ST3GAL4: variants seen among roughly 807,000 people sequenced by gnomAD.
ST3GAL4 encodes the protein ST3 beta-galactoside alpha-2,3-sialyltransferase 4.
A neutral mutation model predicts 42.6 loss-of-function variants in ST3GAL4; 24 were observed. The ratio of observed to expected loss-of-function variants is 0.56; its 90% CI spans 0.41 to 0.79. The LOEUF (loss-of-function observed/expected upper bound fraction) is 0.79, where lower values mean the gene tolerates loss of function less well. ST3GAL4 is among the 30% of genes least tolerant of loss of function. The pLI is 0.00. For synonymous variants in ST3GAL4, 135 were observed against 163.2 expected, an observed-to-expected ratio of 0.83 and a Z score of 1.32; for missense variants, 311 against 430.8, an observed-to-expected ratio of 0.72 and a Z score of 2.46.
In ST3GAL4 at chr11:126,363,271, A is replaced by G. The variant is rs1198504701; in HGVS notation, c.-61+7429A>G. 6.6e-6 allele frequency among the ~76,000 whole-genome samples: 1 copy of G among 151,766 alleles called. No individual in the cohort carries two copies. Among genetic ancestry groups the G allele is most frequent in the Non-Finnish European group, 1.5e-5 (1 of 67,952 alleles). On this transcript the variant is annotated intron_variant, in intron 1 of 10. Coordinates refer to ENST00000444328, the MANE Select transcript of ST3GAL4 (RefSeq NM_001254757.2). This position sits in a 1 kb window ranked among gnomAD's most constrained non-coding sequence, Gnocchi z 4.6. Reference sequence around the variant, plus strand: ...GTCTGCCTTCTCTTTCCACCCCTAGATTTCTCACCATCTTCAGTGATCCCT... The same window carrying G: ...GTCTGCCTTCTCTTTCCACCCCTAGGTTTCTCACCATCTTCAGTGATCCCT...
chr11:126,380,218 T>C lies in ST3GAL4; in HGVS notation c.-61+24376T>C, dbSNP rs1371049908. 2.0e-5 allele frequency among the ~76,000 whole-genome samples: 3 copies of C among 150,142 alleles called. No individual in the cohort carries two copies. The Admixed American group carries it at 2.0e-4, about 10-fold the overall frequency. The stretch of plus-strand genomic sequence containing the variant: ...TAGAGGTTGCAGTGTGCCGAGATTG[T>C]GCCACCGCACTCCAGCCTGGGTGAC... On this transcript the variant is annotated intron_variant, in intron 1 of 10. Coordinates refer to ENST00000444328, the MANE Select transcript of ST3GAL4 (RefSeq NM_001254757.2).
chr11:126,406,008 AGGGGCAGACAGT>A lies in ST3GAL4; in HGVS notation c.-60-84_-60-73del. On this transcript the variant is annotated intron_variant, in intron 1 of 10. Coordinates refer to ENST00000444328, the MANE Select transcript of ST3GAL4 (RefSeq NM_001254757.2). The surrounding 1 kb of genome is among the most constrained non-coding windows in gnomAD (Gnocchi z 5.4). ...AGCTTCCTGCTTTCTGGTGGAAGGG[AGGGGCAGACAGT>A]GGGTGTGTCCTGCTCCAGTGTCTAG... The A allele has an allele frequency of 6.9e-7, 1 of 1,451,868 alleles. No individual in the cohort carries two copies. Among genetic ancestry groups the A allele is most frequent in the Non-Finnish European group, 9.4e-7 (1 of 1,062,482 alleles). The allele number at this position is 1,451,868 out of a possible 1,614,324, so 89.9% of individuals were successfully genotyped here.
At chr11:126,402,092 A>AGTGGGG (rs372167321) in intron 1 of ST3GAL4, among the ~76,000 whole-genome samples, 6 of 139,130 alleles carry the variant, frequency 4.3e-5, no homozygotes, top group East Asian at 5.2e-4. Context: ...TTTGGGGGAA[A>AGTGGGG]GAGGGGAGGT....
At position 126,411,389 on chromosome 11, in the gene ST3GAL4, C is replaced by T. The variant is rs375090476; in HGVS notation, c.771+1978C>T. ...CTGACCTTAGGTGATCTACCCGCCT[C>T]GGCCTCCCAAAGTGCTGGGATTACA... On this transcript the variant is annotated intron_variant, in intron 9 of 10. Transcript: ENST00000444328. This position sits in a 1 kb window ranked among gnomAD's most constrained non-coding sequence, Gnocchi z 6.3. Among the ~76,000 whole-genome samples the T allele has an allele frequency of 1.6e-4, 24 of 152,274 alleles. No individual in the cohort carries two copies. Among genetic ancestry groups the T allele is most frequent in the East Asian group, 1.5e-3 (8 of 5,180 alleles).
intron 1 of ST3GAL4, among the ~76,000 whole-genome samples, chr11:126,375,338 C>T (rs1952796867): frequency 1.3e-5 from 2 of 152,194 alleles, no homozygotes; most frequent in Non-Finnish European, 2.9e-5. Flanking sequence ...GGCTCTTCGT[C>T]ACTGTGCGGA....
intron 1 of ST3GAL4, among the ~76,000 whole-genome samples, chr11:126,377,547 T>G (rs953320579): frequency 6.7e-6 from 1 of 149,574 alleles, no homozygotes; most frequent in African/African-American, 2.5e-5. Flanking sequence ...TGCAGTGGTG[T>G]GATCTTGGCT....
rs1255912831 is a variant in ST3GAL4, at chr11:126,411,309, C to A, written c.771+1898C>A. Among the ~76,000 whole-genome samples, 2 of 152,076 alleles carry A rather than the reference C, an allele frequency of 1.3e-5. No homozygotes were observed. Among genetic ancestry groups the A allele is most frequent in the African/African-American group, 2.4e-5 (1 of 41,408 alleles). On this transcript the variant is annotated intron_variant, in intron 9 of 10. Coordinates refer to ENST00000444328, the MANE Select transcript of ST3GAL4 (RefSeq NM_001254757.2). The surrounding 1 kb of genome is among the most constrained non-coding windows in gnomAD (Gnocchi z 6.3). ...TACAGGCATGTACCACCACACCTGG[C>A]TAATTTTTGTATTTTTACGAAAATA... is the stretch of plus-strand genomic sequence containing the variant.
At position 126,359,264 on chromosome 11, in the gene ST3GAL4, C is replaced by G. The variant is rs1952169094; in HGVS notation, c.-61+3422C>G. Among the ~76,000 whole-genome samples, 1 of 151,410 alleles carries G rather than the reference C, an allele frequency of 6.6e-6. No homozygotes were observed. The highest frequency in any genetic ancestry group is 2.4e-5 in the African/African-American group (1 of 41,128). On this transcript the variant is annotated intron_variant, in intron 1 of 10. Transcript: ENST00000444328. The surrounding 1 kb of genome is among the most constrained non-coding windows in gnomAD (Gnocchi z 4.8). The stretch of plus-strand genomic sequence containing the variant: ...AACAAAAATATTACCATTTAGCAAT[C>G]AGGCACTTATTAAAAGCCTGGCCCA...
At chr11:126,369,256 T>TG (rs1555081906) in intron 1 of ST3GAL4, among the ~76,000 whole-genome samples, 2,121 of 150,724 alleles carry the variant, frequency 0.014, 14 homozygotes, top group African/African-American at 0.019. Flanking sequence ...CTCTTTTTTT[T>TG]GGGGGGGGGA....
At chr11:126,405,900 C>T (rs1314390046) in intron 1 of ST3GAL4, 196 bp from the exon 2 acceptor site, 1 of 673,866 alleles carries the variant, frequency 1.5e-6, no homozygotes, top group Non-Finnish European at 2.5e-6. Context: ...CAGGGCTCAC[C>T]TGGATCCTTA....
Position 126,386,165 on chromosome 11 carries a change from A to G in ST3GAL4, c.-60-19931A>G, listed in dbSNP as rs1953217828. 6.6e-6 allele frequency among the ~76,000 whole-genome samples: 1 copy of G among 152,020 alleles called. No homozygotes were observed. The highest frequency in any genetic ancestry group is 2.4e-5 in the African/African-American group (1 of 41,378). On this transcript the variant is annotated intron_variant, in intron 1 of 10. Transcript: ENST00000444328. This position sits in a 1 kb window ranked among gnomAD's most constrained non-coding sequence, Gnocchi z 4.7. The stretch of plus-strand genomic sequence containing the variant: ...GCCGGCTCCTCAGAGACATGGTTCT[A>G]TCCCCCCAGTGGCCAAGGGCTGGTG...
At chr11:126,395,254 A>C (rs112804490) in intron 1 of ST3GAL4, among the ~76,000 whole-genome samples, 1 of 152,192 alleles carries the variant, frequency 6.6e-6, no homozygotes, top group South Asian at 2.1e-4. Context: ...GCCGGGCACT[A>C]TTGTCAACAT....
At chr11:126,361,574 T>C (rs888640813) in intron 1 of ST3GAL4, among the ~76,000 whole-genome samples, 1 of 152,068 alleles carries the variant, frequency 6.6e-6, no homozygotes, top group African/African-American at 2.4e-5. Context: ...GAAGCCTCCG[T>C]GGCCACCCAG....
In ST3GAL4 at chr11:126,366,225, G is replaced by A. The variant is rs1479424174; in HGVS notation, c.-61+10383G>A. 6.6e-6 allele frequency among the ~76,000 whole-genome samples: 1 copy of A among 152,204 alleles called. No individual in the cohort carries two copies. Among genetic ancestry groups the A allele is most frequent in the Non-Finnish European group, 1.5e-5 (1 of 68,036 alleles). ...GGTGGGAGGAACCCAGTGGGCCTGG[G>A]GGAGGTAAAGCAGCAGCAGCTGCTG... On this transcript the variant is annotated intron_variant, in intron 1 of 10. Coordinates refer to ENST00000444328, the MANE Select transcript of ST3GAL4 (RefSeq NM_001254757.2). This position sits in a 1 kb window ranked among gnomAD's most constrained non-coding sequence, Gnocchi z 4.2.
intron 1 of ST3GAL4, among the ~76,000 whole-genome samples, chr11:126,367,432 G>T (rs1952473874): frequency 6.6e-6 from 1 of 152,198 alleles, no homozygotes; most frequent in Admixed American, 6.5e-5. Context: ...GGTGGGGGCA[G>T]TGGCTGAGGA....
chr11:126,360,548 T>G (rs558916843), intron 1 of ST3GAL4, among the ~76,000 whole-genome samples: 8 of 152,240 alleles, frequency 5.3e-5, no homozygotes, highest in African/African-American at 1.9e-4. Context: ...CTCAGCCTCC[T>G]GAGTAGCTGA....
chr11:126,399,755 C>T (rs1218743021), intron 1 of ST3GAL4, among the ~76,000 whole-genome samples: 1 of 152,182 alleles, frequency 6.6e-6, no homozygotes, highest in African/African-American at 2.4e-5. Flanking sequence ...CTCTTAAGTT[C>T]TGCCTGCTAT....
rs372583582 is a variant in ST3GAL4 at position 126,413,471 on chromosome 11, C to T, written c.772-34C>T. 49 of 1,609,844 alleles carry T rather than the reference C, an allele frequency of 3.0e-5. No individual in the cohort carries two copies. In the South Asian group the frequency reaches 5.0e-4, roughly 16 times the overall value. ...AGAGATGATGGTGGGAGGAGCAGGG[C>T]TCCCACTAACACCCTCCTGCCCCTG... On this transcript the variant is annotated intron_variant, in intron 9 of 10. Transcript: ENST00000444328.
rs139071229 is a variant in ST3GAL4, at chr11:126,369,462, G to T, written c.-61+13620G>T. On this transcript the variant is annotated intron_variant, in intron 1 of 10. Coordinates refer to ENST00000444328, the MANE Select transcript of ST3GAL4 (RefSeq NM_001254757.2). ...AGGGTTTCCCCATGTTGGCCAGGCT[G>T]GTCTCGATCTCCTGACCTCAGGTGA... Among the ~76,000 whole-genome samples the T allele has an allele frequency of 3.3e-4, 51 of 152,290 alleles. No individual in the cohort carries two copies. The East Asian group carries it at 9.5e-3, about 28-fold the overall frequency.
Sources: gnomAD v4.1 joint callset for allele counts (sites outside exome capture counted in the v4.1 genomes callset) on GRCh38, gnomAD v4.1.1 for gene constraint, Gnocchi (gnomAD v3.1) non-coding constraint, MANE v1.5 for transcripts, NCBI Gene and HGNC (gene_info 2026-07-23, HGNC 2026-07-21) for gene names.